DPP6: variants seen among roughly 807,000 people sequenced by gnomAD.
DPP6 encodes A-type potassium channel modulatory protein DPP6.
Under a neutral mutation model 122.6 loss-of-function variants are expected in DPP6, and 69 were observed. The observed-to-expected ratio is 0.56, with a 90% CI of 0.46 to 0.69. DPP6 has a LOEUF of 0.69. DPP6 is among the 30% of genes least tolerant of loss of function. DPP6 has a pLI of 0.00. For missense variants in DPP6, 928 were observed against 1,116.9 expected (o/e 0.83, Z 2.41); for synonymous variants, 418 against 433.1 (o/e 0.97, Z 0.43).
In DPP6 at chr7:154,481,994, C is replaced by G. The variant is rs559476187; in HGVS notation, c.457+6957C>G. On this transcript the variant is annotated intron_variant, in intron 3 of 25. Transcript: ENST00000377770. The surrounding 1 kb of genome is among the most constrained non-coding windows in gnomAD (Gnocchi z 4.2). ...CACGAAGACTTCTTGGGCATTTTCT[C>G]ATTTGATACTTAAACAGCCTAGTTT... is the stretch of plus-strand genomic sequence containing the variant. Among the ~76,000 whole-genome samples the G allele has an allele frequency of 3.3e-5, 5 of 152,216 alleles. No homozygotes were observed. Among genetic ancestry groups the G allele is most frequent in the Non-Finnish European group, 7.3e-5 (5 of 68,044 alleles).
intron 3 of DPP6, among the ~76,000 whole-genome samples, chr7:154,484,118 C>G (rs563556990): frequency 3.1e-4 from 47 of 152,144 alleles, no homozygotes; most frequent in Non-Finnish European, 5.4e-4. Context: ...CATCACTAAC[C>G]ACACTAATTT....
intron 1 of DPP6, among the ~76,000 whole-genome samples, chr7:153,934,086 G>A (rs1158488744): frequency 2.0e-5 from 3 of 152,190 alleles, no homozygotes; most frequent in African/African-American, 7.2e-5. Flanking sequence ...CTGCTGTAGG[G>A]TGACGCCATC....
chr7:154,281,968 C>CA (rs1804544581), intron 1 of DPP6, among the ~76,000 whole-genome samples: 1 of 152,046 alleles, frequency 6.6e-6, no homozygotes, highest in Non-Finnish European at 1.5e-5. Flanking sequence ...GGTTTGGAGC[C>CA]AAAAATTGAT....
At chr7:154,724,621 A>G (rs10229990) in intron 7 of DPP6, among the ~76,000 whole-genome samples, 13,739 of 152,060 alleles carry the variant, frequency 0.09, 1,600 homozygotes, top group African/African-American at 0.27. Flanking sequence ...GGACACCTTA[A>G]TGTGGCTTCC....
At chr7:153,847,170 T>C in the DPP6 span, among the ~76,000 whole-genome samples, 1 of 152,192 alleles carries the variant, frequency 6.6e-6, no homozygotes, top group East Asian at 1.9e-4. Context: ...TTGTTTTTAT[T>C]TTTATTTTTT....
At chr7:154,131,021 A>G (rs998378693) in intron 1 of DPP6, among the ~76,000 whole-genome samples, 12 of 152,126 alleles carry the variant, frequency 7.9e-5, no homozygotes, top group African/African-American at 2.2e-4. Flanking sequence ...CAGAAGCCGG[A>G]GCCAAGGGTC....
intron 1 of DPP6, among the ~76,000 whole-genome samples, chr7:154,163,198 G>A (rs1046931923): frequency 3.4e-4 from 52 of 152,028 alleles, no homozygotes; most frequent in Admixed American, 1.0e-3. Context: ...TCTGACTAGC[G>A]TTGAGTGGAA....
At chr7:153,875,543 A>C in the DPP6 span, among the ~76,000 whole-genome samples, 1 of 152,104 alleles carries the variant, frequency 6.6e-6, no homozygotes, top group Non-Finnish European at 1.5e-5. Flanking sequence ...GTTAAATAAT[A>C]TTTGATTACT....
In DPP6 at chr7:154,248,010, G is replaced by A. The variant is rs189946132; in HGVS notation, c.243+194947G>A. Among the ~76,000 whole-genome samples the A allele has an allele frequency of 3.3e-5, 5 of 152,254 alleles. No individual in the cohort carries two copies. In the East Asian group the frequency reaches 7.7e-4, roughly 24 times the overall value. On this transcript the variant is annotated intron_variant, in intron 1 of 25. Transcript: ENST00000377770. ...TCACCATTTCGTAGGCTGGAAGTTC[G>A]AGACCAGGGTGTCAGCATGGTTGGG...
intron 6 of DPP6, among the ~76,000 whole-genome samples, chr7:154,646,739 A>G (rs140551022): frequency 1.8e-4 from 28 of 152,276 alleles, no homozygotes; most frequent in African/African-American, 6.7e-4. Context: ...CTCTGCCTGT[A>G]ATACCAGTAG....
At chr7:153,762,810 C>T in the DPP6 span, among the ~76,000 whole-genome samples, 1 of 151,958 alleles carries the variant, frequency 6.6e-6, no homozygotes, top group Non-Finnish European at 1.5e-5. Context: ...TAAAATAAAC[C>T]CCACCCACAG....
chr7:154,522,985 C>G (rs570572091), intron 3 of DPP6, among the ~76,000 whole-genome samples: 10 of 152,194 alleles, frequency 6.6e-5, no homozygotes, highest in Admixed American at 2.0e-4. Context: ...GGGCGGGGAT[C>G]GCCTTCCTGA....
the DPP6 span, among the ~76,000 whole-genome samples, chr7:153,758,625 A>G: frequency 2.7e-5 from 4 of 150,324 alleles, no homozygotes; most frequent in African/African-American, 1.0e-4. Context: ...TTATTAAAGT[A>G]GGTGGTCTTT....
chr7:154,860,293 G>A (rs1026976277), intron 17 of DPP6, among the ~76,000 whole-genome samples: 2 of 152,150 alleles, frequency 1.3e-5, no homozygotes, highest in Non-Finnish European at 2.9e-5. Context: ...GAGACATCAG[G>A]AGCATGGCAT....
intron 4 of DPP6, among the ~76,000 whole-genome samples, chr7:154,566,411 A>G (rs1830751473): frequency 2.0e-5 from 3 of 152,048 alleles, no homozygotes; most frequent in Admixed American, 6.5e-5. Flanking sequence ...CCTCCCAAGT[A>G]TCTGGGTCTA....
chr7:154,833,488 C>A lies in DPP6; in HGVS notation c.1667-20292C>A, dbSNP rs749826368. Among the ~76,000 whole-genome samples, 2 of 152,150 alleles carry A rather than the reference C, an allele frequency of 1.3e-5. No homozygotes were observed. The highest frequency in any genetic ancestry group is 2.9e-5 in the Non-Finnish European group (2 of 68,032). On this transcript the variant is annotated intron_variant, in intron 16 of 25. Coordinates refer to ENST00000377770, the MANE Select transcript of DPP6 (RefSeq NM_130797.4). This position sits in a 1 kb window ranked among gnomAD's most constrained non-coding sequence, Gnocchi z 4.3. ...GGATAGTAGTACCAGCCTTGTACGG[C>A]TGACGAAGTGTAAATTATTTATTAT...
At chr7:154,120,886 G>A (rs1239899881) in intron 1 of DPP6, among the ~76,000 whole-genome samples, 3 of 152,092 alleles carry the variant, frequency 2.0e-5, no homozygotes, top group Non-Finnish European at 4.4e-5. Flanking sequence ...GAATGAAGTG[G>A]TTTGGCTGTT....
chr7:154,338,951 C>T lies in DPP6; in HGVS notation c.244-107263C>T, dbSNP rs138528801. On this transcript the variant is annotated intron_variant, in intron 1 of 25. Transcript: ENST00000377770. ...TTACGGAGCAGCCTCAATGCTCTAC[C>T]GATGTGCGGGTGCCAATCTGTCTCC... Among the ~76,000 whole-genome samples, 947 of 152,310 alleles carry T rather than the reference C, an allele frequency of 6.2e-3. 3 individuals carry two copies. The highest frequency in any genetic ancestry group is 9.9e-3 in the Non-Finnish European group (671 of 68,032).
At chr7:153,882,956 C>T (rs1196620184), upstream of DPP6, among the ~76,000 whole-genome samples, 1 of 152,210 alleles carries the variant, frequency 6.6e-6, no homozygotes, top group African/African-American at 2.4e-5. Flanking sequence ...CTAACAGAAA[C>T]AGTGCGGTGA....
Sources: gnomAD v4.1 joint callset for allele counts (sites outside exome capture counted in the v4.1 genomes callset) on GRCh38, gnomAD v4.1.1 for gene constraint, Gnocchi (gnomAD v3.1) non-coding constraint, MANE v1.5 for transcripts, NCBI Gene and HGNC (gene_info 2026-07-23, HGNC 2026-07-21) for gene names.